Variants in PLPPR5 observed in about 807,000 individuals in gnomAD.
PLPPR5 encodes the protein phospholipid phosphatase related 5.
Under a neutral mutation model 33.9 loss-of-function variants are expected in PLPPR5, and 16 were observed. The ratio of observed to expected loss-of-function variants is 0.47; its 90% confidence interval spans 0.32 to 0.72. The LOEUF (loss-of-function observed/expected upper bound fraction) is 0.72, where lower values mean the gene tolerates loss of function less well. Ranked by LOEUF, PLPPR5 falls within the 30% of genes least tolerant of loss-of-function variation. The probability of loss-of-function intolerance (pLI) is 0.03; values close to 1 mark genes in which losing one functional copy is unlikely to be tolerated. For missense variants in PLPPR5, 301 were observed against 406.7 expected (o/e 0.74, Z 2.23); for synonymous variants, 163 against 150.3 (o/e 1.08, Z -0.62).
chr1:98,920,226 T>C (rs988233979), intron 4 of PLPPR5, among the ~76,000 whole-genome samples: 4 of 151,942 alleles, frequency 2.6e-5, no homozygotes, highest in African/African-American at 7.3e-5. Context: ...ACTGGAAGTA[T>C]AGGGAAGGTG....
At position 98,914,833 on chromosome 1, in the gene PLPPR5, T is replaced by C. The variant is rs754032121; in HGVS notation, c.886A>G (p.Ser296Gly). ...AAAGGACTTTCTACTCGAGGAATGC[T>C]GATCATTGGCATCTGTGCCAGATTA... ...MDNLAQMPMI[S>G]IPRVESPLEK... is the part of the protein sequence containing the mutation. The change falls in exon 5 of 6, where the codon AGC becomes GGC. Residue 296 changes from serine (S) to glycine (G), a missense_variant. Coordinates refer to ENST00000263177, the MANE Select transcript of PLPPR5 (RefSeq NM_001037317.2). 2 of 1,613,404 alleles carry C rather than the reference T, an allele frequency of 1.2e-6. No individual in the cohort carries two copies. Among genetic ancestry groups the C allele is most frequent in the Non-Finnish European group, 1.7e-6 (2 of 1,179,722 alleles).
chr1:98,999,683 G>A (rs1278438351), intron 1 of PLPPR5, among the ~76,000 whole-genome samples: 3 of 152,168 alleles, frequency 2.0e-5, no homozygotes, highest in Non-Finnish European at 4.4e-5. Flanking sequence ...AGAGGTCTAT[G>A]GGAAAGCTTT....
chr1:98,937,214 C>T (rs1490244467), intron 3 of PLPPR5, among the ~76,000 whole-genome samples: 1 of 152,082 alleles, frequency 6.6e-6, no homozygotes, highest in Non-Finnish European at 1.5e-5. Flanking sequence ...TTTATTGTTG[C>T]CATGCTCTAG....
At chr1:98,968,410 A>G (rs748424983) in intron 1 of PLPPR5, among the ~76,000 whole-genome samples, 46 of 152,020 alleles carry the variant, frequency 3.0e-4, no homozygotes, top group Non-Finnish European at 5.4e-4. Flanking sequence ...CCTCTTCTTT[A>G]TCAACAACAA....
chr1:98,916,243 T>G (rs538210989), intron 4 of PLPPR5, among the ~76,000 whole-genome samples: 21 of 152,342 alleles, frequency 1.4e-4, no homozygotes, highest in African/African-American at 4.3e-4. Context: ...CAAATTATTA[T>G]AGATTTCTTA....
intron 3 of PLPPR5, among the ~76,000 whole-genome samples, chr1:98,938,571 T>C (rs1168510807): frequency 1.3e-5 from 2 of 149,366 alleles, no homozygotes; most frequent in Admixed American, 1.3e-4. Flanking sequence ...AATTACTTAT[T>C]ATATATTCAA....
intron 3 of PLPPR5, 39 bp downstream of exon 3, chr1:98,953,031 A>AT: frequency 6.2e-7 from 1 of 1,606,038 alleles, no homozygotes; most frequent in Non-Finnish European, 8.5e-7. Flanking sequence ...AATTAACAAT[A>AT]ATACAGACTA....
At chr1:98,957,196 G>A (rs1651044947) in intron 1 of PLPPR5, among the ~76,000 whole-genome samples, 2 of 146,182 alleles carry the variant, frequency 1.4e-5, no homozygotes, top group Admixed American at 6.8e-5. Context: ...TGGGGTTGGG[G>A]GAGGGGGGAG....
chr1:98,952,001 G>A lies in PLPPR5; in HGVS notation c.621+1069C>T, dbSNP rs143942022. Among the ~76,000 whole-genome samples, 537 of 152,230 alleles carry A rather than the reference G, an allele frequency of 3.5e-3. 1 individual carries two copies. The highest frequency in any genetic ancestry group is 0.012 in the African/African-American group (501 of 41,536). ...GATCTGGCCGGGTGCAGCAGCTCAC[G>A]CCTGTAATGCCAGCACTTTGGGAGG... On this transcript the variant is annotated intron_variant, in intron 3 of 5. Coordinates refer to ENST00000263177, the MANE Select transcript of PLPPR5 (RefSeq NM_001037317.2).
intron 1 of PLPPR5, among the ~76,000 whole-genome samples, chr1:98,980,172 C>T (rs982667599): frequency 6.6e-6 from 1 of 152,030 alleles, no homozygotes; most frequent in Admixed American, 6.6e-5. Flanking sequence ...TTCCTTCTTC[C>T]TATGCCCAGG....
chr1:98,992,197 G>A (rs763235433), intron 1 of PLPPR5, among the ~76,000 whole-genome samples: 2 of 152,250 alleles, frequency 1.3e-5, no homozygotes, highest in Admixed American at 1.3e-4. Context: ...ACAACATCAA[G>A]TACAGTAGCT....
chr1:98,911,265 T>C (rs1444337016), intron 5 of PLPPR5, among the ~76,000 whole-genome samples: 1 of 152,204 alleles, frequency 6.6e-6, no homozygotes, highest in African/African-American at 2.4e-5. Context: ...CAATGCACTA[T>C]AGTGAGTAAG....
At chr1:98,961,301 A>G (rs1651241659) in intron 1 of PLPPR5, among the ~76,000 whole-genome samples, 1 of 152,208 alleles carries the variant, frequency 6.6e-6, no homozygotes, top group Non-Finnish European at 1.5e-5. Context: ...AAAGCTTGTT[A>G]TTAGATAAAT....
intron 1 of PLPPR5, among the ~76,000 whole-genome samples, chr1:98,998,516 G>T (rs116762691): frequency 0.021 from 3,180 of 152,184 alleles, 43 homozygotes; most frequent in African/African-American, 0.035. Context: ...CATCATCTAC[G>T]ATAGAACACG....
At chr1:98,899,253 C>T (rs1040306948) in intron 5 of PLPPR5, among the ~76,000 whole-genome samples, 18 of 152,288 alleles carry the variant, frequency 1.2e-4, no homozygotes, top group East Asian at 5.8e-4. Context: ...ACTCCACATC[C>T]GGATCACCTG....
chr1:98,968,429 T>C (rs1215707909), intron 1 of PLPPR5, among the ~76,000 whole-genome samples: 1 of 151,972 alleles, frequency 6.6e-6, no homozygotes, highest in African/African-American at 2.4e-5. Context: ...AAAAAAGCAA[T>C]ATGATAAAAT....
At chr1:98,944,979 T>C (rs964340609) in intron 3 of PLPPR5, among the ~76,000 whole-genome samples, 2 of 152,220 alleles carry the variant, frequency 1.3e-5, no homozygotes, top group South Asian at 2.1e-4. Context: ...CAAATGACCA[T>C]GTATTCAGAG....
chr1:98,950,019 CTTTACAG>C (rs1164070248), intron 3 of PLPPR5, among the ~76,000 whole-genome samples: 1 of 152,182 alleles, frequency 6.6e-6, no homozygotes, highest in Non-Finnish European at 1.5e-5. Context: ...GCACCCTTGG[CTTTACAG>C]TTTACTGGAT....
At chr1:99,004,218 C>A in intron 1 of PLPPR5, 4 of 552,636 alleles carry the variant, frequency 7.2e-6, no homozygotes, top group South Asian at 2.4e-5. Context: ...GAAGCCACCG[C>A]GGGGTGTGGG....
Sources: allele counts gnomAD v4.1 joint callset (sites outside exome capture counted in the v4.1 genomes callset), GRCh38; gene constraint gnomAD v4.1.1; transcripts MANE v1.5; gene names NCBI Gene and HGNC (gene_info 2026-07-23, HGNC 2026-07-21).